TENT5D: variants seen among roughly 807,000 people sequenced by gnomAD.
TENT5D encodes the protein cancer/testis antigen 112.
For synonymous variants in TENT5D, 103 were observed against 100.6 expected, an observed-to-expected ratio of 1.02 and a Z score of -0.15; for missense variants, 191 against 287.0, an observed-to-expected ratio of 0.67 and a Z score of 2.42.
chrX:80,426,623 T>G (rs1400131025), intron 1 of TENT5D, among the ~76,000 whole-genome samples: 1 of 112,299 alleles, frequency 8.9e-6, no homozygotes, highest in African/African-American at 3.2e-5. Context: ...AGAGTTTTCA[T>G]GGTAAGATTA....
chrX:80,353,753 C>A (rs1041619173), intron 3 of TENT5D, among the ~76,000 whole-genome samples: 2 of 111,763 alleles, frequency 1.8e-5, no homozygotes, highest in Non-Finnish European at 3.8e-5. Context: ...ATGCATGTGT[C>A]TTTATGGTAG....
At chrX:80,380,018 T>C (rs1459024015) in intron 3 of TENT5D, among the ~76,000 whole-genome samples, 1 of 106,086 alleles carries the variant, frequency 9.4e-6, no homozygotes, top group African/African-American at 3.4e-5. Context: ...ATTTGTTTGC[T>C]CTTGCTTCTC....
intron 1 of TENT5D, among the ~76,000 whole-genome samples, chrX:80,427,738 C>G (rs945070757): frequency 1.8e-5 from 2 of 111,483 alleles, no homozygotes; most frequent in Non-Finnish European, 1.9e-5. Context: ...ACCTGGAAGG[C>G]GAAAATAGAT....
intron 3 of TENT5D, among the ~76,000 whole-genome samples, chrX:80,365,759 T>G (rs1419960335): frequency 2.7e-5 from 3 of 109,151 alleles, no homozygotes; most frequent in Non-Finnish European, 5.7e-5. Flanking sequence ...GAGAATTACT[T>G]GAACCCGGGA....
At chrX:80,371,313 G>A (rs73223475) in intron 3 of TENT5D, among the ~76,000 whole-genome samples, 14,274 of 111,003 alleles carry the variant, frequency 0.13, 1,001 homozygotes, top group East Asian at 0.48. Flanking sequence ...ATAGGGCATA[G>A]AAAGAGTACA....
chrX:80,440,648 A>T (rs1279145451), intron 2 of TENT5D, among the ~76,000 whole-genome samples: 1 of 111,006 alleles, frequency 9.0e-6, no homozygotes, highest in Non-Finnish European at 1.9e-5. Flanking sequence ...TGAATTTTTT[A>T]AAATTTTTAC....
chrX:80,356,078 G>C (rs1294162457), intron 3 of TENT5D, among the ~76,000 whole-genome samples: 1 of 111,937 alleles, frequency 8.9e-6, no homozygotes, highest in Non-Finnish European at 1.9e-5. Flanking sequence ...TTGAGGTTTT[G>C]TTATTACTTT....
chrX:80,435,634 C>T (rs917528720), intron 1 of TENT5D, among the ~76,000 whole-genome samples: 51 of 112,257 alleles, frequency 4.5e-4, no homozygotes, highest in African/African-American at 1.6e-3. Context: ...TATAAAATAG[C>T]TGCCCATTTA....
chrX:80,389,992 A>G (rs1347164678), intron 3 of TENT5D, among the ~76,000 whole-genome samples: 2 of 111,407 alleles, frequency 1.8e-5, no homozygotes, highest in East Asian at 5.6e-4. Flanking sequence ...AATCAGCAGA[A>G]CAAAACTTTT....
chrX:80,415,860 A>G (rs1163616664), upstream of TENT5D, among the ~76,000 whole-genome samples: 1 of 111,869 alleles, frequency 8.9e-6, no homozygotes, highest in East Asian at 2.8e-4. Context: ...ACTGGTTTCA[A>G]TGGGAATGGC....
intron 1 of TENT5D, among the ~76,000 whole-genome samples, chrX:80,437,636 G>T (rs371944167): frequency 1.1e-4 from 12 of 111,128 alleles, no homozygotes; most frequent in African/African-American, 3.6e-4. Flanking sequence ...AGGGATAATG[G>T]TTGATTATGA....
chrX:80,364,184 T>G (rs941037979), intron 3 of TENT5D, among the ~76,000 whole-genome samples: 1 of 111,769 alleles, frequency 8.9e-6, no homozygotes, highest in Admixed American at 9.6e-5. Context: ...CTGCCTACTT[T>G]ACAAGCTGAT....
chrX:80,441,541 C>G (rs1379409066), intron 2 of TENT5D, among the ~76,000 whole-genome samples: 1 of 110,982 alleles, frequency 9.0e-6, no homozygotes, highest in African/African-American at 3.3e-5. Flanking sequence ...ATGCCTAACC[C>G]CAAAACTATG....
intron 2 of TENT5D, among the ~76,000 whole-genome samples, chrX:80,339,507 A>G (rs934101463): frequency 1.8e-5 from 2 of 111,287 alleles, no homozygotes; most frequent in Non-Finnish European, 3.8e-5. Flanking sequence ...TCTTCAAGTG[A>G]CAAGTAAAAA....
chrX:80,404,036 G>C (rs1208271845), intron 3 of TENT5D, among the ~76,000 whole-genome samples: 1 of 111,643 alleles, frequency 9.0e-6, no homozygotes, highest in East Asian at 2.8e-4. Flanking sequence ...AAATAGGTAA[G>C]AGACAGAAAG....
chrX:80,343,628 G>T (rs1415678539), intron 3 of TENT5D, among the ~76,000 whole-genome samples: 1 of 109,741 alleles, frequency 9.1e-6, no homozygotes, highest in Admixed American at 9.8e-5. Flanking sequence ...TTGAACTCCC[G>T]ACCTCAGGTG....
chrX:80,394,913 A>G (rs1931212764), intron 3 of TENT5D, among the ~76,000 whole-genome samples: 1 of 111,374 alleles, frequency 9.0e-6, no homozygotes, highest in African/African-American at 3.3e-5. Flanking sequence ...AATATGCAAT[A>G]CATTATCGTT....
intron 3 of TENT5D, among the ~76,000 whole-genome samples, chrX:80,407,849 A>T (rs1329275445): frequency 1.9e-5 from 2 of 107,387 alleles, no homozygotes; most frequent in Non-Finnish European, 3.9e-5. Context: ...ACATAGTTGG[A>T]AGTAAAGCTC....
chrX:80,405,885 G>T (rs1371741331), intron 3 of TENT5D, among the ~76,000 whole-genome samples: 2 of 110,801 alleles, frequency 1.8e-5, no homozygotes, highest in African/African-American at 6.6e-5. Flanking sequence ...GGTTCTCCCA[G>T]CACGCAGCTG....
Sources: allele counts gnomAD v4.1 joint callset (sites outside exome capture counted in the v4.1 genomes callset), GRCh38; gene constraint gnomAD v4.1.1; transcripts MANE v1.5; gene names NCBI Gene and HGNC (gene_info 2026-07-23, HGNC 2026-07-21).